Variants in AFDN observed in about 807,000 individuals in gnomAD.
AFDN encodes afadin.
AFDN carries 68 observed loss-of-function variants against 216.6 expected under a neutral mutation model. The observed-to-expected ratio is 0.31, with a 90% confidence interval of 0.26 to 0.38. AFDN has a LOEUF of 0.38. AFDN is among the 10% of genes least tolerant of loss of function. AFDN has a pLI of 1.00. For missense variants in AFDN, 2,136 were observed against 2,342.0 expected, an observed-to-expected ratio of 0.91 and a Z score of 1.82; for synonymous variants, 868 against 853.7, an observed-to-expected ratio of 1.02 and a Z score of -0.29.
chr6:167,855,733 T>C (rs187484803), intron 1 of AFDN, among the ~76,000 whole-genome samples: 5 of 152,232 alleles, frequency 3.3e-5, no homozygotes, highest in Admixed American at 6.5e-5. Context: ...CTACACCAAA[T>C]AGTGACCTGA....
chr6:167,835,694 A>T, intron 1 of AFDN, among the ~76,000 whole-genome samples: 1 of 152,218 alleles, frequency 6.6e-6, no homozygotes, highest in East Asian at 1.9e-4. Context: ...GCCATCAGCT[A>T]TACTCATCAT....
intron 23 of AFDN, among the ~76,000 whole-genome samples, chr6:167,942,670 T>G (rs1794835304): frequency 6.6e-6 from 1 of 152,214 alleles, no homozygotes; most frequent in Admixed American, 6.5e-5. Flanking sequence ...ACTGATTATT[T>G]TCTGTATGAT....
At chr6:167,840,858 G>T (rs1268502219) in intron 1 of AFDN, among the ~76,000 whole-genome samples, 1 of 152,186 alleles carries the variant, frequency 6.6e-6, no homozygotes, top group Admixed American at 6.5e-5. Context: ...CTCCCTGGCA[G>T]CCGAGTCTGT....
rs201547643 is a variant in AFDN, at chr6:167,844,002, G to A, written c.105+16765G>A. ...TTATAGCAAGAGATATGGAGAGCTT[G>A]TATTTATTAAGATTTATGTGGATAA... On this transcript the variant is annotated intron_variant, in intron 1 of 33. Coordinates refer to ENST00000683244, the MANE Select transcript of AFDN (RefSeq NM_001386888.1). 2.0e-5 allele frequency among the ~76,000 whole-genome samples: 3 copies of A among 152,108 alleles called. No individual in the cohort carries two copies. The East Asian group carries it at 5.8e-4, about 29-fold the overall frequency.
intron 1 of AFDN, chr6:167,864,339 A>C (rs376391719): frequency 2.8e-5 from 21 of 747,440 alleles, no homozygotes; most frequent in Non-Finnish European, 4.9e-5. Context: ...TTCATACGTG[A>C]CACAGGTGAG....
At chr6:167,882,787 C>G (rs148937995) in intron 6 of AFDN, among the ~76,000 whole-genome samples, 1 of 152,118 alleles carries the variant, frequency 6.6e-6, no homozygotes, top group Non-Finnish European at 1.5e-5. Context: ...ATTGCTTTGA[C>G]AAAGACCCAA....
At chr6:167,829,914 G>A (rs1779641369) in intron 1 of AFDN, among the ~76,000 whole-genome samples, 1 of 152,080 alleles carries the variant, frequency 6.6e-6, no homozygotes, top group Non-Finnish European at 1.5e-5. Context: ...ACATTTGTGG[G>A]TAAAGGAAGG....
At chr6:167,905,121 A>G (rs2128422782) in intron 12 of AFDN, among the ~76,000 whole-genome samples, 1 of 152,260 alleles carries the variant, frequency 6.6e-6, no homozygotes, top group Non-Finnish European at 1.5e-5. Flanking sequence ...CTCAGACCTC[A>G]GCTTAAAGCC....
At chr6:167,890,773 T>G in intron 7 of AFDN, 89 bp from the exon 8 acceptor site, 112 of 1,272,138 alleles carry the variant, frequency 8.8e-5, no homozygotes, top group Middle Eastern at 5.3e-4. Flanking sequence ...TGCATCTTTT[T>G]GAGAAAGTTT....
chr6:167,934,338 C>G (rs1179548031), intron 23 of AFDN, among the ~76,000 whole-genome samples: 1 of 152,102 alleles, frequency 6.6e-6, no homozygotes, highest in Non-Finnish European at 1.5e-5. Flanking sequence ...GGGTAACTTA[C>G]CATGGACTTC....
intron 3 of AFDN, among the ~76,000 whole-genome samples, chr6:167,871,965 T>C (rs562961775): frequency 6.6e-6 from 1 of 152,344 alleles, no homozygotes; most frequent in African/African-American, 2.4e-5. Flanking sequence ...AGTTTTTAAA[T>C]GAGGTAAAAT....
chr6:167,831,313 A>G (rs982700433), intron 1 of AFDN, among the ~76,000 whole-genome samples: 24 of 152,114 alleles, frequency 1.6e-4, no homozygotes, highest in African/African-American at 5.6e-4. Context: ...GAGATGGATG[A>G]TTGCCAATGA....
At position 167,827,188 on chromosome 6, in the gene AFDN, A is replaced by G. The variant is rs1779183134; in HGVS notation, c.56A>G (p.His19Arg). 2.3e-6 allele frequency: 3 copies of G among 1,299,458 alleles called. No homozygotes were observed. The highest frequency in any genetic ancestry group is 3.0e-6 in the Non-Finnish European group (3 of 994,342). The allele number at this position is 1,299,458 out of a possible 1,614,324, so 80.5% of individuals were successfully genotyped here. A position where few individuals can be genotyped will look rare whatever the true frequency, so the allele number is the denominator to read the frequency against. The part of the protein sequence containing the change: ...ERRKLADIIH[H>R]WNANRLDLFE... ...CGGAAGCTGGCCGACATCATCCACC[A>G]CTGGAACGCCAACCGGCTGGACCTG... Residue 19 changes from histidine (H) to arginine (R), a missense_variant, in exon 1 of 34, where the codon CAC becomes CGC. Physicochemically the swap from His to Arg is conservative, Grantham distance 29 (BLOSUM62 0). This residue lies in a region of AFDN where 81 missense variants were observed against 51.2 expected (regional missense o/e 1.58). Transcript: ENST00000683244.
At chr6:167,926,004 A>G (rs73258743) in intron 23 of AFDN, among the ~76,000 whole-genome samples, 8,218 of 152,322 alleles carry the variant, frequency 0.054, 746 homozygotes, top group African/African-American at 0.19. Flanking sequence ...TTACATAGCA[A>G]TATGATAGAA....
chr6:167,960,359 G>T (rs1796918186), intron 30 of AFDN, among the ~76,000 whole-genome samples: 1 of 151,706 alleles, frequency 6.6e-6, no homozygotes, highest in Non-Finnish European at 1.5e-5. Flanking sequence ...AGGTTTTTAA[G>T]AAGAAAATGC....
At chr6:167,891,408 G>GTGTGTGTGTGTGTGTGTGTGTGTGT (rs1562619712) in intron 8 of AFDN, among the ~76,000 whole-genome samples, 1 of 72,050 alleles carries the variant, frequency 1.4e-5, no homozygotes, top group Non-Finnish European at 2.9e-5. Flanking sequence ...TAAAGGGGTG[G>GTGTGTGTGTGTGTGTGTGTGTGTGT]GTGTGTGTGT....
intron 32 of AFDN, among the ~76,000 whole-genome samples, chr6:167,967,753 G>A (rs1184427625): frequency 2.0e-5 from 3 of 152,108 alleles, no homozygotes; most frequent in African/African-American, 4.8e-5. Flanking sequence ...AGACTTCTTC[G>A]TAATGTACAG....
At chr6:167,852,261 A>G (rs764523141) in intron 1 of AFDN, among the ~76,000 whole-genome samples, 3 of 152,296 alleles carry the variant, frequency 2.0e-5, no homozygotes, top group Admixed American at 2.0e-4. Context: ...AATCCAAACA[A>G]GGGCCACACA....
At chr6:167,939,253 A>G (rs1488184251) in intron 23 of AFDN, among the ~76,000 whole-genome samples, 1 of 152,346 alleles carries the variant, frequency 6.6e-6, no homozygotes, top group East Asian at 1.9e-4. Flanking sequence ...TATTCTTTAC[A>G]AGGTCAGTAT....
Sources: allele counts gnomAD v4.1 joint callset (sites outside exome capture counted in the v4.1 genomes callset), GRCh38; gene constraint gnomAD v4.1.1; regional missense constraint gnomAD v4.1.1; transcripts MANE v1.5; gene names NCBI Gene and HGNC (gene_info 2026-07-23, HGNC 2026-07-21).